Variants in DOCK1 observed in about 807,000 individuals in gnomAD.
The protein encoded by DOCK1 is dedicator of cytokinesis 1, also known as dedicator of cytokinesis protein 1.
Under a neutral mutation model 262.7 loss-of-function variants are expected in DOCK1, and 138 were observed. That is an observed-to-expected ratio of 0.53 (90% CI 0.46 to 0.61). DOCK1 has a LOEUF of 0.61. Ranked by LOEUF, DOCK1 falls within the 20% of genes least tolerant of loss-of-function variation. The pLI is 0.00. For missense variants in DOCK1, 1,908 were observed against 2,370.7 expected, an observed-to-expected ratio of 0.80 and a Z score of 4.05; for synonymous variants, 866 against 867.4, an observed-to-expected ratio of 1.00 and a Z score of 0.03.
chr10:127,329,450 G>A lies in DOCK1; in HGVS notation c.3045-9556G>A, dbSNP rs190174225. Among the ~76,000 whole-genome samples the A allele has an allele frequency of 1.7e-4, 26 of 151,738 alleles. No individual in the cohort carries two copies. The East Asian group carries it at 4.7e-3, about 27-fold the overall frequency. ...CAGGGTCTCTGGGGTGCTGTGGTGG[G>A]GATCCCTGGGGTGAACGGACACTGG... On this transcript the variant is annotated intron_variant, in intron 29 of 51. Transcript: ENST00000623213.
chr10:127,282,250 C>T (rs776112500), intron 29 of DOCK1, among the ~76,000 whole-genome samples: 29 of 141,896 alleles, frequency 2.0e-4, no homozygotes, highest in Non-Finnish European at 3.8e-4. Flanking sequence ...TGTCTCTTTT[C>T]TCTCTCTCTC....
intron 27 of DOCK1, among the ~76,000 whole-genome samples, chr10:127,192,219 A>G (rs771159000): frequency 3.3e-5 from 5 of 152,198 alleles, no homozygotes; most frequent in Non-Finnish European, 5.9e-5. Flanking sequence ...TGGATGTGCA[A>G]TACTTTGAAT....
chr10:127,034,099 G>A (rs1303550729), intron 18 of DOCK1, among the ~76,000 whole-genome samples: 1 of 152,154 alleles, frequency 6.6e-6, no homozygotes, highest in Non-Finnish European at 1.5e-5. Flanking sequence ...TGCACAGGGA[G>A]CCTGCTAGTG....
In DOCK1 at chr10:127,175,539, T is replaced by C; in HGVS notation, c.2847+47775T>C. Reference sequence around the variant, plus strand: ...GAGATGTGTGGCTCTCCTCCGCTCGTCATCTGCCGGGCAGAGTGACCACTG... The same window carrying C: ...GAGATGTGTGGCTCTCCTCCGCTCGCCATCTGCCGGGCAGAGTGACCACTG... On this transcript the variant is annotated intron_variant, in intron 27 of 51. Coordinates refer to ENST00000623213, the MANE Select transcript of DOCK1 (RefSeq NM_001290223.2). This position sits in a 1 kb window ranked among gnomAD's most constrained non-coding sequence, Gnocchi z 6.3. 6.2e-7 allele frequency: 1 copy of C among 1,610,818 alleles called. No individual in the cohort carries two copies. Among genetic ancestry groups the C allele is most frequent in the Non-Finnish European group, 8.5e-7 (1 of 1,180,000 alleles).
intron 29 of DOCK1, among the ~76,000 whole-genome samples, chr10:127,267,800 G>A (rs545545828): frequency 3.9e-5 from 6 of 152,188 alleles, no homozygotes; most frequent in Admixed American, 1.3e-4. Context: ...TCCTCCTCCC[G>A]GTCCTCTCAT....
chr10:127,076,814 C>T (rs1184443337), intron 23 of DOCK1, among the ~76,000 whole-genome samples: 1 of 152,216 alleles, frequency 6.6e-6, no homozygotes, highest in African/African-American at 2.4e-5. Context: ...GGGCCTGTGC[C>T]TTCCTTCTTC....
At chr10:127,226,035 G>A (rs1311264841) in intron 27 of DOCK1, among the ~76,000 whole-genome samples, 1 of 148,742 alleles carries the variant, frequency 6.7e-6, no homozygotes, top group African/African-American at 2.5e-5. Context: ...CCAAGATCAT[G>A]CCACTGCACT....
At chr10:126,983,792 G>T (rs2039154777) in intron 4 of DOCK1, among the ~76,000 whole-genome samples, 1 of 152,162 alleles carries the variant, frequency 6.6e-6, no homozygotes. Flanking sequence ...CATCCCAAAT[G>T]ATTACTCTAT....
At chr10:127,275,687 A>C (rs1327168029) in intron 29 of DOCK1, among the ~76,000 whole-genome samples, 8 of 152,134 alleles carry the variant, frequency 5.3e-5, no homozygotes, top group Admixed American at 5.2e-4. Flanking sequence ...GCTGGCCTGG[A>C]GAGGAGCAAG....
At chr10:127,000,425 G>A (rs11017150) in intron 10 of DOCK1, 118 bp downstream of exon 10, 82,151 of 1,381,706 alleles carry the variant, frequency 0.059, 2,851 homozygotes, top group Middle Eastern at 0.072. Context: ...CTTTTCTGCT[G>A]GAGAGAAAAA....
chr10:127,161,479 C>G (rs973618408), intron 27 of DOCK1, among the ~76,000 whole-genome samples: 1 of 152,086 alleles, frequency 6.6e-6, no homozygotes. Flanking sequence ...CTTGGATCTC[C>G]AAGTAGACAA....
At chr10:127,217,014 A>G (rs193274142) in intron 27 of DOCK1, among the ~76,000 whole-genome samples, 1 of 152,090 alleles carries the variant, frequency 6.6e-6, no homozygotes, top group Non-Finnish European at 1.5e-5. Flanking sequence ...TTTTAGTTTC[A>G]TGGAGGCTAC....
At chr10:127,332,030 G>GC (rs2063005413) in intron 29 of DOCK1, among the ~76,000 whole-genome samples, 2 of 152,202 alleles carry the variant, frequency 1.3e-5, no homozygotes, top group Non-Finnish European at 2.9e-5. Context: ...GCTGGGAACT[G>GC]CCTACTTTCA....
chr10:126,976,680 C>CT (rs2038565992), intron 2 of DOCK1, among the ~76,000 whole-genome samples: 1 of 151,954 alleles, frequency 6.6e-6, no homozygotes, highest in Non-Finnish European at 1.5e-5. Flanking sequence ...CAAGTGCCCT[C>CT]TGTCACTCTC....
intron 23 of DOCK1, among the ~76,000 whole-genome samples, chr10:127,093,714 T>C (rs912614425): frequency 5.3e-5 from 8 of 151,976 alleles, no homozygotes; most frequent in African/African-American, 9.7e-5. Flanking sequence ...GTAATTCTAA[T>C]TGGAGTTTAT....
At chr10:127,131,391 A>G (rs2050317075) in intron 27 of DOCK1, among the ~76,000 whole-genome samples, 1 of 152,140 alleles carries the variant, frequency 6.6e-6, no homozygotes, top group Non-Finnish European at 1.5e-5. Flanking sequence ...AAATCCTTGG[A>G]GTTTCTTTTA....
At chr10:127,190,787 A>G (rs2134095910) in intron 27 of DOCK1, among the ~76,000 whole-genome samples, 1 of 149,434 alleles carries the variant, frequency 6.7e-6, no homozygotes, top group African/African-American at 2.5e-5. Context: ...CCACATTACA[A>G]AGACTTGTCT....
chr10:126,929,666 G>A (rs955971561), intron 1 of DOCK1, among the ~76,000 whole-genome samples: 83 of 152,224 alleles, frequency 5.5e-4, no homozygotes, highest in Admixed American at 2.0e-3. Flanking sequence ...GCTCAGGCCC[G>A]TTTAACAGGT....
At chr10:127,121,603 T>G (rs2049585040) in intron 25 of DOCK1, among the ~76,000 whole-genome samples, 1 of 152,084 alleles carries the variant, frequency 6.6e-6, no homozygotes, top group African/African-American at 2.4e-5. Flanking sequence ...TCCCACCACT[T>G]CTTGAAAAAA....
Sources: gnomAD v4.1 joint callset for allele counts (sites outside exome capture counted in the v4.1 genomes callset) on GRCh38, gnomAD v4.1.1 for gene constraint, Gnocchi (gnomAD v3.1) non-coding constraint, MANE v1.5 for transcripts, NCBI Gene and HGNC (gene_info 2026-07-23, HGNC 2026-07-21) for gene names.